OVOL2: variants seen among roughly 807,000 people sequenced by gnomAD.
OVOL2 encodes transcription factor Ovo-like 2.
OVOL2 carries 13 observed loss-of-function variants against 18.1 expected under a neutral mutation model. The ratio of observed to expected loss-of-function variants is 0.72; its 90% CI spans 0.47 to 1.14. The LOEUF (loss-of-function observed/expected upper bound fraction) is 1.14, where lower values mean the gene tolerates loss of function less well. Among genes scored for constraint, OVOL2 ranks in the 50% most tolerant of loss-of-function variants. The pLI is 0.00. For missense variants in OVOL2, 335 were observed against 383.0 expected (o/e 0.87, Z 1.05); for synonymous variants, 166 against 162.7 (o/e 1.02, Z -0.16).
chr20:18,025,521 A>G (rs1265051919), intron 3 of OVOL2, among the ~76,000 whole-genome samples: 3 of 152,174 alleles, frequency 2.0e-5, no homozygotes, highest in Admixed American at 6.5e-5. Context: ...GCGAGCTGAG[A>G]TCGAGCCACT....
chr20:18,042,051 C>T (rs1339614606), intron 2 of OVOL2, among the ~76,000 whole-genome samples: 1 of 151,904 alleles, frequency 6.6e-6, no homozygotes, highest in Non-Finnish European at 1.5e-5. Context: ...GCTGGGACTA[C>T]AGGGGCACAT....
At chr20:18,025,079 C>A (rs1292751760) in intron 3 of OVOL2, 127 bp from the exon 4 acceptor site, 4 of 1,134,636 alleles carry the variant, frequency 3.5e-6, no homozygotes, top group Non-Finnish European at 5.0e-6. Flanking sequence ...ATGGTTACAG[C>A]AGGAGAGAAA....
At chr20:18,053,401 G>A (rs779385825) in intron 2 of OVOL2, among the ~76,000 whole-genome samples, 29 of 152,116 alleles carry the variant, frequency 1.9e-4, no homozygotes, top group Non-Finnish European at 2.8e-4. Context: ...GAACACAGCC[G>A]TTAAGAGGGA....
chr20:18,057,922 T>C (rs919570156), upstream of OVOL2: 1 of 1,266,750 alleles, frequency 7.9e-7, no homozygotes, highest in Non-Finnish European at 1.0e-6. This position sits in a 1 kb window ranked among gnomAD's most constrained non-coding sequence, Gnocchi z 6.3. Flanking sequence ...AACTTGGGAC[T>C]GAGCATGCGC....
At position 18,056,906 on chromosome 20, in the gene OVOL2, C is replaced by G; in HGVS notation, c.101-29G>C. The stretch of plus-strand genomic sequence containing the variant: ...TGGAGGGAGGGGCCGCGCCCCGACA[C>G]ACACACTCGGCGTCAACCCGCACGC... On this transcript the variant is annotated intron_variant, in intron 1 of 3. Coordinates refer to ENST00000278780, the MANE Select transcript of OVOL2 (RefSeq NM_021220.4). The surrounding 1 kb of genome is among the most constrained non-coding windows in gnomAD (Gnocchi z 4.2). 6.8e-7 allele frequency: 1 copy of G among 1,473,226 alleles called. No individual in the cohort carries two copies. The highest frequency in any genetic ancestry group is 8.9e-7 in the Non-Finnish European group (1 of 1,120,276). 91.3% of individuals were successfully genotyped at this position (1,473,226 alleles called of 1,614,324 possible).
In OVOL2 at chr20:18,057,378, A is replaced by G. The variant is rs926885358; in HGVS notation, c.100+157T>C. ...AGAGTCTGGGGCATCCCAGTCCCTC[A>G]TTGCCTGCCCTAACCCGCCTAGAAG... On this transcript the variant is annotated intron_variant, in intron 1 of 3. Coordinates refer to ENST00000278780, the MANE Select transcript of OVOL2 (RefSeq NM_021220.4). The surrounding 1 kb of genome is among the most constrained non-coding windows in gnomAD (Gnocchi z 6.3). Among the ~76,000 whole-genome samples, 4 of 151,966 alleles carry G rather than the reference A, an allele frequency of 2.6e-5. No individual in the cohort carries two copies. Among genetic ancestry groups the G allele is most frequent in the Non-Finnish European group, 4.4e-5 (3 of 67,974 alleles).
At chr20:18,043,606 AGCAGAGCCAT>A (rs1209649839) in intron 2 of OVOL2, among the ~76,000 whole-genome samples, 1 of 152,178 alleles carries the variant, frequency 6.6e-6, no homozygotes, top group Admixed American at 6.5e-5. Context: ...AGAACTGCCT[AGCAGAGCCAT>A]GCCTATGGCT....
At chr20:18,031,300 G>A (rs947853463) in intron 3 of OVOL2, among the ~76,000 whole-genome samples, 4 of 152,188 alleles carry the variant, frequency 2.6e-5, no homozygotes, top group East Asian at 1.9e-4. Flanking sequence ...AGGATTAGCC[G>A]AGATAGACTA....
chr20:18,037,494 T>C (rs6045156), intron 3 of OVOL2, among the ~76,000 whole-genome samples: 105,742 of 152,244 alleles, frequency 0.69, 37,172 homozygotes, highest in African/African-American at 0.8. Context: ...AAGGGTCCCC[T>C]AGTCTCTGCC....
At position 18,041,702 on chromosome 20, in the gene OVOL2, C is replaced by T. The variant is rs1419305548; in HGVS notation, c.343G>A (p.Asp115Asn). Residue 115 changes from aspartate to asparagine, a missense_variant, in exon 3 of 4, where the codon GAC (aspartate) becomes AAC (asparagine). Coordinates refer to ENST00000278780, the MANE Select transcript of OVOL2 (RefSeq NM_021220.4). Reference sequence around the variant, plus strand: ...AGGTCACAGCTGTGAACCACCGAGTCGCTGCACGTGCCTGTGGTGAACTGG... The same window carrying T: ...AGGTCACAGCTGTGAACCACCGAGTTGCTGCACGTGCCTGTGGTGAACTGG... Reference protein sequence around the residue: ...KIKFTTGTCSDSVVHSCDLCG... With the variant: ...KIKFTTGTCSNSVVHSCDLCG... The T allele has an allele frequency of 1.1e-5, 17 of 1,613,092 alleles. No homozygotes were observed. Among genetic ancestry groups the T allele is most frequent in the East Asian group, 2.2e-5 (1 of 44,854 alleles).
intron 3 of OVOL2, among the ~76,000 whole-genome samples, 158 bp downstream of exon 3, chr20:18,041,376 G>A (rs760961155): frequency 2.0e-5 from 3 of 152,130 alleles, no homozygotes; most frequent in Non-Finnish European, 2.9e-5. Context: ...TGTTGGCCAG[G>A]CTGGTCTCAA....
chr20:18,045,878 T>G (rs1407825700), intron 2 of OVOL2, among the ~76,000 whole-genome samples: 1 of 152,168 alleles, frequency 6.6e-6, no homozygotes, highest in African/African-American at 2.4e-5. Context: ...TCTGGTTTTC[T>G]TAGAGCAAAA....
intron 2 of OVOL2, among the ~76,000 whole-genome samples, chr20:18,045,735 T>G (rs1047519952): frequency 6.6e-6 from 1 of 152,098 alleles, no homozygotes; most frequent in Non-Finnish European, 1.5e-5. Context: ...TGCCTCAGCC[T>G]CCCAAAGTGC....
At chr20:18,039,619 A>AAAAAG (rs1555795225) in intron 3 of OVOL2, among the ~76,000 whole-genome samples, 1 of 136,498 alleles carries the variant, frequency 7.3e-6, no homozygotes, top group Non-Finnish European at 1.5e-5. Flanking sequence ...AAAAAAAAAA[A>AAAAAG]AAAGAAAGAA....
intron 3 of OVOL2, 25 bp downstream of exon 3, chr20:18,041,509 A>G (rs373419881): frequency 1.3e-5 from 21 of 1,593,980 alleles, no homozygotes; most frequent in Non-Finnish European, 1.6e-5. Context: ...CAAAACAGAG[A>G]ACAAAGCACG....
At position 18,024,559 on chromosome 20, in the gene OVOL2, G is replaced by T; in HGVS notation, c.*77C>A. On this transcript the variant is annotated 3_prime_UTR_variant, in exon 4 of 4. Coordinates refer to ENST00000278780, the MANE Select transcript of OVOL2 (RefSeq NM_021220.4). Reference sequence around the variant, plus strand: ...ACTTCTAATTAAGAAGAGCCAGTGGGGTGGGGGAAGCTGAAAACCAAAAAT... The same window carrying T: ...ACTTCTAATTAAGAAGAGCCAGTGGTGTGGGGGAAGCTGAAAACCAAAAAT... 2 of 1,474,628 alleles carry T rather than the reference G, an allele frequency of 1.4e-6. No individual in the cohort carries two copies. The highest frequency in any genetic ancestry group is 1.8e-6 in the Non-Finnish European group (2 of 1,108,942). The allele number at this position is 1,474,628 out of a possible 1,614,324, so 91.3% of individuals were successfully genotyped here.
chr20:18,054,571 T>C (rs537392393), intron 2 of OVOL2, among the ~76,000 whole-genome samples: 86 of 152,078 alleles, frequency 5.7e-4, no homozygotes, highest in African/African-American at 2.0e-3. Context: ...GGAGAAACCC[T>C]GTCTCTACTA....
intron 3 of OVOL2, among the ~76,000 whole-genome samples, chr20:18,032,374 G>A (rs1325551910): frequency 6.9e-6 from 1 of 145,004 alleles, no homozygotes; most frequent in Admixed American, 6.8e-5. Flanking sequence ...AGAAGGAAGG[G>A]AAGGAGGAAG....
upstream of OVOL2, among the ~76,000 whole-genome samples, chr20:18,058,151 C>T (rs533247903): frequency 4.9e-4 from 75 of 152,236 alleles, no homozygotes; most frequent in Non-Finnish European, 9.9e-4. Context: ...CGAGGTAAAC[C>T]CCAGGTTCGC....
Sources: gnomAD v4.1 joint callset for allele counts (sites outside exome capture counted in the v4.1 genomes callset) on GRCh38, gnomAD v4.1.1 for gene constraint, Gnocchi (gnomAD v3.1) non-coding constraint, MANE v1.5 for transcripts, NCBI Gene and HGNC (gene_info 2026-07-23, HGNC 2026-07-21) for gene names.